The following P2RX1 variants were observed in gnomAD, a reference collection of about 807,000 sequenced individuals.
P2RX1 encodes the protein purinergic receptor P2X 1, also known as P2X purinoceptor 1.
A neutral mutation model predicts 50.3 loss-of-function variants in P2RX1; 42 were observed. The observed-to-expected ratio is 0.83, with a 90% CI of 0.65 to 1.08. P2RX1 has a LOEUF of 1.08. Among genes scored for constraint, P2RX1 ranks in the 50% least tolerant of loss-of-function variants. The pLI, the probability that P2RX1 is intolerant of heterozygous loss-of-function variation, is 0.00. For missense variants in P2RX1, 449 were observed against 529.0 expected, an observed-to-expected ratio of 0.85 and a Z score of 1.48; for synonymous variants, 199 against 202.6, an observed-to-expected ratio of 0.98 and a Z score of 0.15.
In P2RX1 at chr17:3,913,556, G is replaced by A. The variant is rs140010163; in HGVS notation, c.137+2533C>T. On this transcript the variant is annotated intron_variant, in intron 1 of 11. Transcript: ENST00000225538. ...CATGACTGGCGGAGACCATGGCCTC[G>A]GTTTTCCTCCTGAGTCTGTGTTCTT... 9.1e-4 allele frequency among the ~76,000 whole-genome samples: 138 copies of A among 152,326 alleles called. 1 individual carries two copies. Among genetic ancestry groups the A allele is most frequent in the African/African-American group, 2.6e-3 (109 of 41,560 alleles).
At chr17:3,906,026 A>G (rs1430664640) in intron 1 of P2RX1, among the ~76,000 whole-genome samples, 1 of 152,232 alleles carries the variant, frequency 6.6e-6, no homozygotes, top group African/African-American at 2.4e-5. Flanking sequence ...TTCAATGCCT[A>G]ACAGCCTGGG....
At chr17:3,911,635 C>G (rs977398126) in intron 1 of P2RX1, among the ~76,000 whole-genome samples, 1 of 152,076 alleles carries the variant, frequency 6.6e-6, no homozygotes, top group Non-Finnish European at 1.5e-5. Flanking sequence ...GCTAGACATC[C>G]TGTCTTGGCT....
chr17:3,905,503 G>A (rs2056246414), intron 1 of P2RX1, 136 bp from the exon 2 acceptor site: 1 of 976,610 alleles, frequency 1.0e-6, no homozygotes, highest in Non-Finnish European at 1.5e-6. Flanking sequence ...CTAGAGGCAG[G>A]ACAGCCTCCC....
In P2RX1 at chr17:3,897,586, G is replaced by A; in HGVS notation, c.*228C>T. The A allele has an allele frequency of 1.7e-6, 1 of 593,090 alleles. No individual in the cohort carries two copies. Among genetic ancestry groups the A allele is most frequent in the Non-Finnish European group, 3.0e-6 (1 of 330,182 alleles). 36.7% of individuals were successfully genotyped at this position (593,090 alleles called of 1,614,324 possible). A position where few individuals can be genotyped will look rare whatever the true frequency, so the allele number is the denominator to read the frequency against. On this transcript the variant is annotated 3_prime_UTR_variant, in exon 12 of 12. Coordinates refer to ENST00000225538, the MANE Select transcript of P2RX1 (RefSeq NM_002558.4). ...CAGCCCCAGCCATTCCCCACCAGGA[G>A]CGGCTGAGGCTAGGGTAGGGCTCCC...
At chr17:3,906,858 G>A (rs560607893) in intron 1 of P2RX1, among the ~76,000 whole-genome samples, 2 of 152,204 alleles carry the variant, frequency 1.3e-5, no homozygotes, top group African/African-American at 2.4e-5. Context: ...CTAAGGACAC[G>A]CACATGACCT....
chr17:3,913,584 C>T (rs2056399776), intron 1 of P2RX1, among the ~76,000 whole-genome samples: 1 of 151,870 alleles, frequency 6.6e-6, no homozygotes, highest in South Asian at 2.1e-4. Context: ...GTGTTCTTGG[C>T]TTCTCAGCCT....
At position 3,912,354 on chromosome 17, in the gene P2RX1, G is replaced by A. The variant is rs141243424; in HGVS notation, c.137+3735C>T. ...GTTTTTTTATTTTTTTTTTTGAGACGGAGTCTCACCCTGTTGCCCAGGCTG... is the reference window on the plus strand; with the variant it reads ...GTTTTTTTATTTTTTTTTTTGAGACAGAGTCTCACCCTGTTGCCCAGGCTG... On this transcript the variant is annotated intron_variant, in intron 1 of 11. Coordinates refer to ENST00000225538, the MANE Select transcript of P2RX1 (RefSeq NM_002558.4). Among the ~76,000 whole-genome samples the A allele has an allele frequency of 3.7e-3, 565 of 150,730 alleles. 2 individuals carry two copies. Among genetic ancestry groups the A allele is most frequent in the African/African-American group, 0.013 (534 of 40,978 alleles).
At chr17:3,905,096 C>A in intron 2 of P2RX1, 124 bp downstream of exon 2, 1 of 1,368,922 alleles carries the variant, frequency 7.3e-7, no homozygotes, top group Non-Finnish European at 1.0e-6. Flanking sequence ...TGCTTCTGCC[C>A]GGCATTCACA....
chr17:3,913,864 G>GC (rs1484656618), intron 1 of P2RX1, among the ~76,000 whole-genome samples: 2 of 152,118 alleles, frequency 1.3e-5, no homozygotes, highest in East Asian at 1.9e-4. Context: ...CACTCTTGGG[G>GC]GGGGTGGTCC....
In P2RX1 at chr17:3,896,610, A is replaced by G. The variant is rs1567645719; in HGVS notation, c.*1204T>C. 1 of 152,228 alleles carries G rather than the reference A, an allele frequency of 6.6e-6. No individual in the cohort carries two copies. Among genetic ancestry groups the G allele is most frequent in the Non-Finnish European group, 1.5e-5 (1 of 68,086 alleles). The allele number at this position is 152,228 out of a possible 1,614,324, so 9.4% of individuals were successfully genotyped here. Reference sequence around the variant, plus strand: ...GCAGAGGTTTGTCCTCATTCCCTTTATTGTACTCCACCCGTCGCTTCCCCC... The same window carrying G: ...GCAGAGGTTTGTCCTCATTCCCTTTGTTGTACTCCACCCGTCGCTTCCCCC... On this transcript the variant is annotated 3_prime_UTR_variant, in exon 12 of 12. Coordinates refer to ENST00000225538, the MANE Select transcript of P2RX1 (RefSeq NM_002558.4).
At chr17:3,915,697 C>G in intron 1 of P2RX1, 1 of 468,494 alleles carries the variant, frequency 2.1e-6, no homozygotes, top group South Asian at 1.5e-5. Context: ...TATGGGGTGA[C>G]GGGTGTGGGG....
chr17:3,903,170 C>T lies in P2RX1; in HGVS notation c.747+32G>A. 1.2e-6 allele frequency: 2 copies of T among 1,613,674 alleles called. No homozygotes were observed. Among genetic ancestry groups the T allele is most frequent in the South Asian group, 1.1e-5 (1 of 91,080 alleles). On this transcript the variant is annotated intron_variant, in intron 7 of 11. Coordinates refer to ENST00000225538, the MANE Select transcript of P2RX1 (RefSeq NM_002558.4). This position sits in a 1 kb window ranked among gnomAD's most constrained non-coding sequence, Gnocchi z 4.6. The stretch of plus-strand genomic sequence containing the variant: ...CTTTATCAGGATCCTGCGGCCCAGC[C>T]CTCCCCACGTGCCTGGCACCATGCT...
At chr17:3,915,439 A>G (rs766206183) in intron 1 of P2RX1, 5 of 456,424 alleles carry the variant, frequency 1.1e-5, no homozygotes, top group South Asian at 7.7e-5. Context: ...ACCATACTGC[A>G]GGAGCGTCCC....
In P2RX1 at chr17:3,897,338, T is replaced by G. The variant is rs575464198; in HGVS notation, c.*476A>C. ...CCGAGCTGTCCAGTATGGCAGCCAC[T>G]AACCACACGTATCTACTGAGCAGTT... On this transcript the variant is annotated 3_prime_UTR_variant, in exon 12 of 12. Transcript: ENST00000225538. 26 of 223,782 alleles carry G rather than the reference T, an allele frequency of 1.2e-4. No homozygotes were observed. The highest frequency in any genetic ancestry group is 3.7e-3 in the Middle Eastern group (2 of 538). The allele number at this position is 223,782 out of a possible 1,614,324, so 13.9% of individuals were successfully genotyped here.
At position 3,903,947 on chromosome 17, in the gene P2RX1, C is replaced by T; in HGVS notation, c.505G>A (p.Val169Met). The T allele has an allele frequency of 6.2e-7, 1 of 1,613,922 alleles. No homozygotes were observed. The highest frequency in any genetic ancestry group is 8.5e-7 in the Non-Finnish European group (1 of 1,179,802). ...TGTTACCGCGGGATGTCGTCATCCACCTCCACGGGGCACCAGCCAAAGATC... is the reference window on the plus strand; with the variant it reads ...TGTTACCGCGGGATGTCGTCATCCATCTCCACGGGGCACCAGCCAAAGATC... The part of the protein sequence containing the change: ...CEIFGWCPVE[V>M]DDDIPRPALL... Residue 169 changes from valine (V) to methionine (M), a missense_variant, in exon 5 of 12, where the codon GTG becomes ATG. Coordinates refer to ENST00000225538, the MANE Select transcript of P2RX1 (RefSeq NM_002558.4). The surrounding 1 kb of genome is among the most constrained non-coding windows in gnomAD (Gnocchi z 4.6).
At chr17:3,907,969 G>T (rs1288175594) in intron 1 of P2RX1, among the ~76,000 whole-genome samples, 1 of 152,208 alleles carries the variant, frequency 6.6e-6, no homozygotes, top group African/African-American at 2.4e-5. Flanking sequence ...GCTTAGCAAC[G>T]TTTCTATCTT....
chr17:3,910,961 T>G (rs1023994788), intron 1 of P2RX1, among the ~76,000 whole-genome samples: 1 of 152,132 alleles, frequency 6.6e-6, no homozygotes, highest in Admixed American at 6.5e-5. Context: ...ACCATTTGTG[T>G]TTTTAATTAT....
intron 9 of P2RX1, among the ~76,000 whole-genome samples, 185 bp from the exon 10 acceptor site, chr17:3,898,734 C>T (rs1035052448): frequency 2.0e-5 from 3 of 152,188 alleles, no homozygotes; most frequent in African/African-American, 4.8e-5. Context: ...CCTCCCTGAG[C>T]GCAAGGAGAC....
In P2RX1 at chr17:3,903,478, G is replaced by T; in HGVS notation, c.605+73C>A. On this transcript the variant is annotated intron_variant, in intron 6 of 11. Transcript: ENST00000225538. The surrounding 1 kb of genome is among the most constrained non-coding windows in gnomAD (Gnocchi z 4.6). Reference sequence around the variant, plus strand: ...TTCCACGCCAGCAGGAATGGAGGGAGACAGAGACAGCTGAGAGCTGCCGGA... The same window carrying T: ...TTCCACGCCAGCAGGAATGGAGGGATACAGAGACAGCTGAGAGCTGCCGGA... 1 of 1,590,498 alleles carries T rather than the reference G, an allele frequency of 6.3e-7. No homozygotes were observed. The highest frequency in any genetic ancestry group is 8.6e-7 in the Non-Finnish European group (1 of 1,160,046).
Sources: allele counts gnomAD v4.1 joint callset (sites outside exome capture counted in the v4.1 genomes callset), GRCh38; gene constraint gnomAD v4.1.1; non-coding constraint Gnocchi (gnomAD v3.1); transcripts MANE v1.5; gene names NCBI Gene and HGNC (gene_info 2026-07-23, HGNC 2026-07-21).